Variants in KALRN observed in about 807,000 individuals in gnomAD.
KALRN encodes kalirin.
KALRN carries 70 observed loss-of-function variants against 353.7 expected under a neutral mutation model. The ratio of observed to expected loss-of-function variants is 0.20; its 90% CI spans 0.16 to 0.24. The LOEUF is 0.24. Among genes scored for constraint, KALRN ranks in the 10% least tolerant of loss-of-function variants. The pLI is 1.00. For missense variants in KALRN, 2,791 were observed against 3,756.7 expected (o/e 0.74, Z 6.72); for synonymous variants, 1,391 against 1,434.8 (o/e 0.97, Z 0.69).
At chr3:124,494,853 C>T (rs2063535035) in intron 32 of KALRN, among the ~76,000 whole-genome samples, 1 of 152,164 alleles carries the variant, frequency 6.6e-6, no homozygotes, top group South Asian at 2.1e-4. Context: ...CTTTCAGTTT[C>T]CCTGTCCCCT....
intron 21 of KALRN, among the ~76,000 whole-genome samples, chr3:124,453,108 GAT>G (rs1170589330): frequency 1.3e-5 from 2 of 152,188 alleles, no homozygotes; most frequent in Admixed American, 6.5e-5. Flanking sequence ...TGAATAAGAT[GAT>G]TAAAAAGGGG....
chr3:124,375,409 T>C (rs1333240762), intron 10 of KALRN, among the ~76,000 whole-genome samples: 1 of 152,212 alleles, frequency 6.6e-6, no homozygotes, highest in African/African-American at 2.4e-5. Flanking sequence ...CCATCTTCTT[T>C]GTGTCCCATT....
intron 1 of KALRN, among the ~76,000 whole-genome samples, chr3:124,092,346 G>C (rs2061165264): frequency 6.6e-6 from 1 of 152,156 alleles, no homozygotes; most frequent in South Asian, 2.1e-4. Context: ...TCTCTGTCTA[G>C]GTCTCCTGCC....
intron 27 of KALRN, 74 bp downstream of exon 27, chr3:124,477,408 G>A: frequency 9.2e-7 from 1 of 1,087,670 alleles, no homozygotes; most frequent in Non-Finnish European, 1.4e-6. Context: ...ATAATGGATG[G>A]ATATTTAGCT....
intron 1 of KALRN, among the ~76,000 whole-genome samples, chr3:124,078,478 T>C (rs1577842910): frequency 6.6e-6 from 1 of 151,992 alleles, no homozygotes; most frequent in East Asian, 1.9e-4. Flanking sequence ...TGTCGTGTAA[T>C]GGGGAAACAG....
intron 1 of KALRN, among the ~76,000 whole-genome samples, chr3:124,223,326 C>G (rs952125754): frequency 1.3e-5 from 2 of 152,090 alleles, no homozygotes; most frequent in Non-Finnish European, 2.9e-5. Context: ...GCTCCTGCAC[C>G]TCTCAATTGT....
intron 1 of KALRN, among the ~76,000 whole-genome samples, chr3:124,077,747 A>C (rs923675979): frequency 6.6e-6 from 1 of 152,198 alleles, no homozygotes; most frequent in African/African-American, 2.4e-5. Flanking sequence ...ACAGTCTTTG[A>C]ACCTTGGCAT....
At chr3:124,676,813 T>G (rs955301370) in intron 49 of KALRN, among the ~76,000 whole-genome samples, 4 of 152,200 alleles carry the variant, frequency 2.6e-5, no homozygotes, top group African/African-American at 9.7e-5. Flanking sequence ...TGATGCCATC[T>G]AAGATTAGCT....
At chr3:124,230,668 G>A (rs1371213871) in intron 2 of KALRN, among the ~76,000 whole-genome samples, 8 of 152,086 alleles carry the variant, frequency 5.3e-5, no homozygotes, top group African/African-American at 1.4e-4. Flanking sequence ...ATTTGCCAGC[G>A]TAAGCCGAAC....
intron 16 of KALRN, among the ~76,000 whole-genome samples, chr3:124,432,249 A>C (rs981270610): frequency 6.7e-6 from 1 of 149,980 alleles, no homozygotes; most frequent in African/African-American, 2.5e-5. Context: ...TCTCTACTGA[A>C]AATACAAAAA....
intron 1 of KALRN, among the ~76,000 whole-genome samples, chr3:124,040,908 G>A (rs1430718064): frequency 1.3e-5 from 2 of 152,354 alleles, no homozygotes; most frequent in Non-Finnish European, 1.5e-5. Flanking sequence ...GCAAGAGGGT[G>A]CCAGAGAGGC....
chr3:124,131,976 GT>G (rs1421814579), intron 1 of KALRN, among the ~76,000 whole-genome samples: 2 of 152,176 alleles, frequency 1.3e-5, no homozygotes. Context: ...CACATAGCCA[GT>G]TCTCACTTTT....
intron 4 of KALRN, among the ~76,000 whole-genome samples, chr3:124,266,331 A>G (rs901683517): frequency 6.6e-6 from 1 of 152,192 alleles, no homozygotes; most frequent in African/African-American, 2.4e-5. Flanking sequence ...GTGATGGTTT[A>G]TTCTACGTGA....
chr3:124,674,445 G>A lies in KALRN; in HGVS notation c.7024G>A (p.Val2342Met), dbSNP rs2086910105. 1.9e-6 allele frequency: 3 copies of A among 1,614,100 alleles called. No individual in the cohort carries two copies. The highest frequency in any genetic ancestry group is 2.5e-6 in the Non-Finnish European group (3 of 1,180,022). The change falls in exon 49 of 60, where the codon GTG (valine) becomes ATG (methionine). Residue 2342 changes from valine to methionine, a missense_variant. Around this residue, in one of 11 missense-constraint regions of KALRN, gnomAD observed 1,065 missense variants for 1,156.4 expected, o/e 0.92. Transcript: ENST00000682506. The part of the protein sequence containing the change: ...YYALKENEIC[V>M]SQGEVVQVLA... Reference sequence around the variant, plus strand: ...TGCACTGAAGGAGAATGAAATCTGTGTGAGCCAAGGTGAGGTGGTCCAGGT... The same window carrying A: ...TGCACTGAAGGAGAATGAAATCTGTATGAGCCAAGGTGAGGTGGTCCAGGT...
chr3:124,435,274 C>A (rs993437654), intron 17 of KALRN, among the ~76,000 whole-genome samples: 2 of 152,076 alleles, frequency 1.3e-5, no homozygotes, highest in East Asian at 3.9e-4. Context: ...ATTCCTTGGG[C>A]CCCCAGTCTA....
intron 33 of KALRN, among the ~76,000 whole-genome samples, chr3:124,509,948 G>T (rs967857525): frequency 6.6e-6 from 1 of 152,164 alleles, no homozygotes; most frequent in Admixed American, 6.5e-5. Context: ...TGCCACAAAG[G>T]CTAAACTGTT....
chr3:124,593,064 G>A (rs1033670738), intron 34 of KALRN, among the ~76,000 whole-genome samples: 2 of 152,174 alleles, frequency 1.3e-5, no homozygotes, highest in East Asian at 1.9e-4. Flanking sequence ...TTGTGGGCTT[G>A]TATCTCTTCT....
At position 124,034,170 on chromosome 3, in the gene KALRN, C is replaced by T. The variant is rs74860647; in HGVS notation, c.73+357C>T. 1.0e-2 allele frequency among the ~76,000 whole-genome samples: 1,518 copies of T among 152,282 alleles called. 17 individuals are homozygous for T. Among genetic ancestry groups the T allele is most frequent in the African/African-American group, 0.034 (1,412 of 41,576 alleles). On this transcript the variant is annotated intron_variant, in intron 1 of 59. Transcript: ENST00000682506. The stretch of plus-strand genomic sequence containing the variant: ...TCCGGCTACCGGCGTCCCGGCCCCT[C>T]CCTTGGCTCCCCCTCCCCTGTGCCT...
At chr3:124,290,367 G>A (rs1415624208) in intron 5 of KALRN, among the ~76,000 whole-genome samples, 2 of 152,158 alleles carry the variant, frequency 1.3e-5, no homozygotes, top group Non-Finnish European at 1.5e-5. Context: ...CAGAAACTAG[G>A]AAGTGACTGG....
Sources: allele counts gnomAD v4.1 joint callset (sites outside exome capture counted in the v4.1 genomes callset), GRCh38; gene constraint gnomAD v4.1.1; regional missense constraint gnomAD v4.1.1; transcripts MANE v1.5; gene names NCBI Gene and HGNC (gene_info 2026-07-23, HGNC 2026-07-21).